TRPM1: variants seen among roughly 807,000 people sequenced by gnomAD.
The protein encoded by TRPM1 is TRPM1-203 APA Isoform, Intron 10.
Under a neutral mutation model 149.4 loss-of-function variants are expected in TRPM1, and 113 were observed. That is an observed-to-expected ratio of 0.76 (90% confidence interval 0.65 to 0.88). The LOEUF is 0.88. TRPM1 is among the 40% of genes least tolerant of loss of function. The pLI, the probability that TRPM1 is intolerant of heterozygous loss-of-function variation, is 0.00. For synonymous variants in TRPM1, 741 were observed against 759.5 expected, an observed-to-expected ratio of 0.98 and a Z score of 0.40; for missense variants, 1,976 against 2,038.7, an observed-to-expected ratio of 0.97 and a Z score of 0.59.
chr15:31,136,644 C>T (rs537401968), intron 1 of TRPM1, among the ~76,000 whole-genome samples: 9 of 152,182 alleles, frequency 5.9e-5, no homozygotes, highest in African/African-American at 9.6e-5. Flanking sequence ...ATCCTTAACC[C>T]GAACGAAGTT....
chr15:31,152,691 A>G (rs561148959), intron 1 of TRPM1, among the ~76,000 whole-genome samples: 62 of 152,282 alleles, frequency 4.1e-4, no homozygotes, highest in African/African-American at 1.3e-3. Flanking sequence ...TACCCAGACT[A>G]CAGTGTTGTG....
intron 20 of TRPM1, among the ~76,000 whole-genome samples, chr15:31,036,368 G>A (rs1267066760): frequency 1.3e-5 from 2 of 152,142 alleles, no homozygotes; most frequent in Non-Finnish European, 2.9e-5. Flanking sequence ...ACTGGCACAG[G>A]CCCCTGTGGA....
chr15:31,092,118 G>A (rs2035256166), intron 1 of TRPM1, among the ~76,000 whole-genome samples: 1 of 151,674 alleles, frequency 6.6e-6, no homozygotes, highest in Non-Finnish European at 1.5e-5. Context: ...GGGGTGGGGT[G>A]GGGTGGGGTG....
intron 1 of TRPM1, among the ~76,000 whole-genome samples, chr15:31,129,107 C>T (rs1021276150): frequency 2.0e-5 from 3 of 152,296 alleles, no homozygotes; most frequent in South Asian, 2.1e-4. Flanking sequence ...GTGGATCAGC[C>T]TTTGGAGCTT....
At position 31,138,256 on chromosome 15, in the gene TRPM1, A is replaced by C. The variant is rs79439032; in HGVS notation, c.54+22650T>G. ...ACAAAGATTTTGAGGGAAGCTCATA[A>C]AAAGAGCCTGCCAGCCCTCTGACAA... On this transcript the variant is annotated intron_variant, in intron 1 of 26. Coordinates refer to the TRPM1 transcript ENST00000542188. 5.4e-3 allele frequency among the ~76,000 whole-genome samples: 828 copies of C among 152,234 alleles called. 6 individuals are homozygous for C. Among genetic ancestry groups the C allele is most frequent in the African/African-American group, 0.019 (804 of 41,536 alleles).
upstream of TRPM1, among the ~76,000 whole-genome samples, chr15:31,102,948 C>T (rs1008731850): frequency 3.9e-5 from 6 of 152,150 alleles, no homozygotes; most frequent in African/African-American, 9.7e-5. Flanking sequence ...ACGGCTTCAG[C>T]GGGAACCCTT....
chr15:31,088,763 T>C lies in TRPM1; in HGVS notation c.-83-7325A>G, dbSNP rs907975894. On this transcript the variant is annotated intron_variant, in intron 1 of 27. Coordinates refer to ENST00000256552, the MANE Select transcript of TRPM1 (RefSeq NM_001252024.2). ...GTCTTCCTGCTACCTGTGGGAACGTTCCCAACCATGGTATCAAACACCTGA... is the reference window on the plus strand; with the variant it reads ...GTCTTCCTGCTACCTGTGGGAACGTCCCCAACCATGGTATCAAACACCTGA... Among the ~76,000 whole-genome samples the C allele has an allele frequency of 4.1e-5, 6 of 144,792 alleles. No homozygotes were observed. The East Asian group carries it at 6.8e-4, about 17-fold the overall frequency. 95.0% of individuals were successfully genotyped at this position (144,792 alleles called of 152,430 possible).
upstream of TRPM1, chr15:31,101,777 A>T: frequency 1.0e-6 from 1 of 956,858 alleles, no homozygotes; most frequent in Non-Finnish European, 1.2e-6. Flanking sequence ...CATGAGGAGC[A>T]TGTGAGCACT....
intron 27 of TRPM1, 51 bp downstream of exon 27, chr15:31,026,088 G>T (rs529168803): frequency 6.2e-6 from 10 of 1,605,694 alleles, no homozygotes; most frequent in Non-Finnish European, 8.5e-6. Context: ...TGGGGCGCCC[G>T]AGTCAGCAAA....
At chr15:31,039,949 C>T (rs1023157974) in intron 18 of TRPM1, among the ~76,000 whole-genome samples, 169 bp downstream of exon 18, 12 of 152,214 alleles carry the variant, frequency 7.9e-5, no homozygotes, top group Non-Finnish European at 1.5e-5. Context: ...GTCACTTCAT[C>T]TCAAAGCTTC....
intron 15 of TRPM1, 101 bp downstream of exon 15, chr15:31,047,010 G>A: frequency 6.6e-7 from 1 of 1,517,198 alleles, no homozygotes; most frequent in Non-Finnish European, 9.1e-7. Flanking sequence ...TGGGGACAGG[G>A]CGAAGGGCTT....
At chr15:31,160,997 C>A (rs752216313) in exon 1 of TRPM1, 5 of 1,533,440 alleles carry the variant, frequency 3.3e-6, no homozygotes, top group Middle Eastern at 3.3e-4. Context: ...TGCTGACTCC[C>A]TCGGGTGGCC....
intron 1 of TRPM1, among the ~76,000 whole-genome samples, chr15:31,130,651 C>T (rs783029): frequency 0.68 from 103,258 of 152,010 alleles, 35,240 homozygotes; most frequent in East Asian, 0.79. Flanking sequence ...ACCCTGCATT[C>T]TGATGCACCA....
At chr15:31,131,275 G>A (rs1004019638) in intron 1 of TRPM1, among the ~76,000 whole-genome samples, 10 of 151,998 alleles carry the variant, frequency 6.6e-5, no homozygotes, top group African/African-American at 2.2e-4. Flanking sequence ...CAGCCCCAAC[G>A]CGCAAAAGTA....
At chr15:31,009,891 A>G (rs1209519538) in intron 27 of TRPM1, among the ~76,000 whole-genome samples, 1 of 152,140 alleles carries the variant, frequency 6.6e-6, no homozygotes, top group Non-Finnish European at 1.5e-5. Context: ...TTTTCTTAAT[A>G]TCTTCTATTC....
At chr15:31,019,296 A>G (rs1461230236) in intron 27 of TRPM1, among the ~76,000 whole-genome samples, 1 of 152,252 alleles carries the variant, frequency 6.6e-6, no homozygotes, top group African/African-American at 2.4e-5. Context: ...TTTAGTAGTT[A>G]TAGGAAGAAC....
chr15:31,115,723 C>T (rs2035789138), intron 1 of TRPM1, among the ~76,000 whole-genome samples: 1 of 151,544 alleles, frequency 6.6e-6, no homozygotes, highest in Non-Finnish European at 1.5e-5. Flanking sequence ...TGAGACACAC[C>T]CAGAGCCCTC....
intron 11 of TRPM1, among the ~76,000 whole-genome samples, chr15:31,059,007 C>T (rs575111310): frequency 5.9e-5 from 9 of 152,214 alleles, no homozygotes; most frequent in South Asian, 2.1e-4. Context: ...CGCTTGAATC[C>T]GGGATGCAGA....
intron 21 of TRPM1, among the ~76,000 whole-genome samples, chr15:31,033,598 G>T (rs1486965943): frequency 6.6e-6 from 1 of 152,196 alleles, no homozygotes; most frequent in Non-Finnish European, 1.5e-5. Flanking sequence ...CATGCCAGGT[G>T]GTACCCCTTC....
Sources: gnomAD v4.1 joint callset for allele counts (sites outside exome capture counted in the v4.1 genomes callset) on GRCh38, gnomAD v4.1.1 for gene constraint, MANE v1.5 for transcripts, NCBI Gene and HGNC (gene_info 2026-07-23, HGNC 2026-07-21) for gene names.